The following KLRG1 variants were observed in gnomAD, a reference collection of about 807,000 sequenced individuals.
KLRG1 encodes killer cell lectin-like receptor subfamily G member 1.
Under a neutral mutation model 21.8 loss-of-function variants are expected in KLRG1, and 16 were observed. The ratio of observed to expected loss-of-function variants is 0.73; its 90% CI spans 0.50 to 1.11. The LOEUF (loss-of-function observed/expected upper bound fraction) is 1.11, where lower values mean the gene tolerates loss of function less well. Among genes scored for constraint, KLRG1 ranks in the 50% most tolerant of loss-of-function variants. KLRG1 has a pLI of 0.00. For missense variants in KLRG1, 173 were observed against 218.3 expected (o/e 0.79, Z 1.31); for synonymous variants, 69 against 75.9 (o/e 0.91, Z 0.47).
the KLRG1 span, chr12:9,080,186 A>G: frequency 1.9e-6 from 3 of 1,550,648 alleles, no homozygotes; most frequent in Non-Finnish European, 2.6e-6. Flanking sequence ...ACCTAGAGAA[A>G]TAAGCAAATC....
the KLRG1 span, chr12:9,169,703 G>T: frequency 9.7e-7 from 1 of 1,029,986 alleles, no homozygotes; most frequent in Non-Finnish European, 1.3e-6. Flanking sequence ...GTACGTTCAT[G>T]TAGTTGGTAC....
At chr12:8,981,191 A>G (rs945150941) in intron 1 of KLRG1, among the ~76,000 whole-genome samples, 14 of 152,348 alleles carry the variant, frequency 9.2e-5, no homozygotes, top group Admixed American at 7.2e-4. Flanking sequence ...TTAGAAGTTT[A>G]TCAGTCTTAA....
At chr12:8,957,859 GAGT>G (rs1946320888) in intron 1 of KLRG1, among the ~76,000 whole-genome samples, 1 of 152,150 alleles carries the variant, frequency 6.6e-6, no homozygotes, top group Admixed American at 6.5e-5. Flanking sequence ...TAAAACTTAT[GAGT>G]AGTTTATTTC....
chr12:9,144,876 G>C, the KLRG1 span, among the ~76,000 whole-genome samples: 23 of 152,276 alleles, frequency 1.5e-4, no homozygotes, highest in East Asian at 4.3e-3. Context: ...GTCATTTGTG[G>C]TTTATGGTCA....
the KLRG1 span, chr12:9,077,493 T>C: frequency 1.3e-6 from 2 of 1,504,454 alleles, no homozygotes; most frequent in East Asian, 4.7e-5. Flanking sequence ...TCTATTCTGC[T>C]GTGTCATGGA....
chr12:9,087,212 A>G, the KLRG1 span, among the ~76,000 whole-genome samples: 2 of 146,058 alleles, frequency 1.4e-5, no homozygotes, highest in Non-Finnish European at 3.0e-5. Context: ...AGCAATCTAC[A>G]TATTGAATGT....
the KLRG1 span, among the ~76,000 whole-genome samples, chr12:9,158,160 G>A: frequency 6.6e-6 from 1 of 152,154 alleles, no homozygotes; most frequent in South Asian, 2.1e-4. Context: ...TTGCTATGTT[G>A]CCCAGGCTAG....
the KLRG1 span, among the ~76,000 whole-genome samples, chr12:9,016,887 T>C: frequency 6.6e-6 from 1 of 152,134 alleles, no homozygotes; most frequent in Non-Finnish European, 1.5e-5. Context: ...GTGCTGGTAT[T>C]ACAGGCGTGA....
chr12:8,995,316 G>C (rs1565547941), intron 3 of KLRG1, 28 bp downstream of exon 3: 1 of 1,578,236 alleles, frequency 6.3e-7, no homozygotes, highest in Admixed American at 1.9e-5. Context: ...GAAAATGTAG[G>C]GTTTTTGTTT....
chr12:9,065,949 G>A, the KLRG1 span: 1 of 152,258 alleles, frequency 6.6e-6, no homozygotes, highest in African/African-American at 2.4e-5. Context: ...CCTGTTTGCA[G>A]AGAGGAGCCA....
At chr12:9,196,329 C>T in the KLRG1 span, 1 of 1,595,452 alleles carries the variant, frequency 6.3e-7, no homozygotes, top group Non-Finnish European at 8.6e-7. Flanking sequence ...ACATATCTTA[C>T]CTGTGCAAAA....
the KLRG1 span, among the ~76,000 whole-genome samples, chr12:9,212,929 A>T: frequency 6.6e-6 from 1 of 152,184 alleles, no homozygotes; most frequent in African/African-American, 2.4e-5. Flanking sequence ...AAAAGAAACT[A>T]CATACATGTT....
chr12:9,083,460 C>A, the KLRG1 span, among the ~76,000 whole-genome samples: 6 of 150,990 alleles, frequency 4.0e-5, no homozygotes, highest in African/African-American at 1.2e-4. Flanking sequence ...TAGAAACAAT[C>A]AAAAAGAAAC....
Position 9,009,828 on chromosome 12 carries a change from TC to T in KLRG1, c.*295del, listed in dbSNP as rs555050774. The T allele has an allele frequency of 1.5e-4, 213 of 1,441,866 alleles. No individual in the cohort carries two copies. Among genetic ancestry groups the T allele is most frequent in the Non-Finnish European group, 1.9e-4 (210 of 1,103,156 alleles). 89.3% of individuals were successfully genotyped at this position (1,441,866 alleles called of 1,614,324 possible). A position where few individuals can be genotyped will look rare whatever the true frequency, so the allele number is the denominator to read the frequency against. ...ATGGAAACTAATGCTGCCACTCTCA[TC>T]CCCGTCCCAACCATCTCTGTCAAAA... On this transcript the variant is annotated 3_prime_UTR_variant, in exon 5 of 5. Coordinates refer to ENST00000356986, the MANE Select transcript of KLRG1 (RefSeq NM_005810.4).
At chr12:9,206,295 A>G in the KLRG1 span, among the ~76,000 whole-genome samples, 5 of 151,802 alleles carry the variant, frequency 3.3e-5, no homozygotes, top group Non-Finnish European at 5.9e-5. Flanking sequence ...TATAAATTAT[A>G]AGCCTAAAAG....
At chr12:9,027,795 A>T in the KLRG1 span, 1 of 1,319,308 alleles carries the variant, frequency 7.6e-7, no homozygotes, top group South Asian at 1.2e-5. Flanking sequence ...CACCACAACC[A>T]CAGCTGCCAC....
the KLRG1 span, chr12:9,068,666 C>G: frequency 1.7e-6 from 2 of 1,205,884 alleles, no homozygotes; most frequent in Admixed American, 4.0e-5. Flanking sequence ...ATAAATAACC[C>G]CAACACATCT....
the KLRG1 span, among the ~76,000 whole-genome samples, chr12:9,212,515 T>G: frequency 6.6e-6 from 1 of 152,220 alleles, no homozygotes; most frequent in South Asian, 2.1e-4. Context: ...ATAACTAATA[T>G]GTATAGTTGA....
chr12:9,209,139 CT>C, the KLRG1 span, among the ~76,000 whole-genome samples: 1 of 152,064 alleles, frequency 6.6e-6, no homozygotes, highest in Non-Finnish European at 1.5e-5. Flanking sequence ...TATCCATGCT[CT>C]CATAGAACTT....
Sources: allele counts gnomAD v4.1 joint callset (sites outside exome capture counted in the v4.1 genomes callset), GRCh38; gene constraint gnomAD v4.1.1; transcripts MANE v1.5; gene names NCBI Gene and HGNC (gene_info 2026-07-23, HGNC 2026-07-21).